The following LIMS2 variants were observed in gnomAD, a reference collection of about 807,000 sequenced individuals.
LIMS2 encodes LIM and senescent cell antigen-like-containing domain protein 2.
LIMS2 carries 30 observed loss-of-function variants against 45.3 expected under a neutral mutation model. The observed-to-expected ratio is 0.66, with a 90% CI of 0.50 to 0.90. The LOEUF (loss-of-function observed/expected upper bound fraction) is 0.90. Ranked by LOEUF, LIMS2 falls within the 40% of genes least tolerant of loss-of-function variation. The probability of loss-of-function intolerance (pLI) is 0.00; values close to 1 mark genes in which losing one functional copy is unlikely to be tolerated. For synonymous variants in LIMS2, 173 were observed against 188.0 expected (o/e 0.92, Z 0.65); for missense variants, 485 against 468.7 (o/e 1.03, Z -0.32).
intron 4 of LIMS2, among the ~76,000 whole-genome samples, chr2:127,649,384 C>T (rs957887068): frequency 1.3e-5 from 2 of 152,242 alleles, no homozygotes; most frequent in African/African-American, 2.4e-5. Flanking sequence ...GCAAACCTCT[C>T]TCCAGCCTCT....
intron 6 of LIMS2, 46 bp from the exon 7 acceptor site, chr2:127,641,034 T>C: frequency 6.5e-7 from 1 of 1,533,136 alleles, no homozygotes; most frequent in Non-Finnish European, 9.0e-7. Context: ...GCTAGAGCGG[T>C]GACCCCGAGG....
intron 4 of LIMS2, among the ~76,000 whole-genome samples, chr2:127,645,477 G>T (rs1682865024): frequency 6.6e-6 from 1 of 152,222 alleles, no homozygotes; most frequent in Non-Finnish European, 1.5e-5. Flanking sequence ...CCAGGGAGGA[G>T]CCCCAGGCCA....
chr2:127,677,509 C>G (rs949983083), upstream of LIMS2, among the ~76,000 whole-genome samples: 1 of 151,972 alleles, frequency 6.6e-6, no homozygotes, highest in Admixed American at 6.6e-5. This position sits in a 1 kb window ranked among gnomAD's most constrained non-coding sequence, Gnocchi z 5.0. Flanking sequence ...AGCATTCCGG[C>G]AGAACAGCAA....
intron 1 of LIMS2, among the ~76,000 whole-genome samples, chr2:127,660,359 C>T (rs1014640777): frequency 1.3e-5 from 2 of 152,188 alleles, no homozygotes; most frequent in Non-Finnish European, 1.5e-5. Flanking sequence ...TTCTTTTGCT[C>T]TTTGTAGTAG....
Position 127,654,501 on chromosome 2 carries a change from G to C in LIMS2, c.282C>G (p.Asn94Lys). The C allele has an allele frequency of 6.2e-7, 1 of 1,614,168 alleles. No homozygotes were observed. Among genetic ancestry groups the C allele is most frequent in the Non-Finnish European group, 8.5e-7 (1 of 1,180,004 alleles). The change falls in exon 4 of 10, where the codon AAC becomes AAG. Residue 94 changes from asparagine to lysine, a missense_variant. Physicochemically the swap from Asn to Lys is moderately conservative, Grantham distance 94. Transcript: ENST00000355119. ...CGCAGCGGAAGCAGCCCGGGTGCCA[G>C]TTGTTGTTCATGGCCTTGATGACGC... ...IGRVIKAMNN[N>K]WHPGCFRCEL...
chr2:127,659,021 C>T (rs775864710), intron 1 of LIMS2, among the ~76,000 whole-genome samples: 1 of 152,054 alleles, frequency 6.6e-6, no homozygotes, highest in Non-Finnish European at 1.5e-5. Context: ...GTGTCAACCA[C>T]AGAGAAGAGG....
intron 6 of LIMS2, chr2:127,641,808 G>A (rs1682433665): frequency 2.1e-6 from 1 of 477,594 alleles, no homozygotes; most frequent in South Asian, 3.3e-5. Flanking sequence ...CCAGCAGGGG[G>A]AAGAGGAGAG....
At chr2:127,651,137 G>T in intron 4 of LIMS2, 1 of 1,613,306 alleles carries the variant, frequency 6.2e-7, no homozygotes, top group South Asian at 1.1e-5. Flanking sequence ...TGGCCATTGT[G>T]CACCCGGTCA....
At chr2:127,668,668 C>CAAAAAAAAAAAAAAA (rs70985469) in intron 1 of LIMS2, among the ~76,000 whole-genome samples, 16 of 17,268 alleles carry the variant, frequency 9.3e-4, no homozygotes, top group African/African-American at 1.8e-3. Flanking sequence ...GACTCCGTCT[C>CAAAAAAAAAAAAAAA]AAAAAAAAAA....
At chr2:127,651,366 T>C (rs778634342) in intron 4 of LIMS2, 7 of 1,612,542 alleles carry the variant, frequency 4.3e-6, no homozygotes, top group Admixed American at 3.3e-5. Context: ...CACGGTCACC[T>C]GCTACCTGCT....
At chr2:127,650,760 C>T (rs1346196975) in intron 4 of LIMS2, 23 of 1,613,638 alleles carry the variant, frequency 1.4e-5, no homozygotes, top group Non-Finnish European at 1.7e-5. Flanking sequence ...AGTGGCTCCC[C>T]CAGGTCTGAT....
At chr2:127,651,376 T>A in intron 4 of LIMS2, 1 of 1,612,734 alleles carries the variant, frequency 6.2e-7, no homozygotes, top group Non-Finnish European at 8.5e-7. Context: ...TGCTACCTGC[T>A]GATCATCCGC....
chr2:127,642,489 T>C lies in LIMS2; in HGVS notation c.510-290A>G. 1 of 351,016 alleles carries C rather than the reference T, an allele frequency of 2.8e-6. No individual in the cohort carries two copies. The highest frequency in any genetic ancestry group is 5.1e-6 in the Non-Finnish European group (1 of 195,442). The allele number at this position is 351,016 out of a possible 1,614,324, so 21.7% of individuals were successfully genotyped here. Reference sequence around the variant, plus strand: ...CCCTCCTCCTCCAAACCAGAGGGGGTGTCTGGATAGGCACGGAGAGGACTG... The same window carrying C: ...CCCTCCTCCTCCAAACCAGAGGGGGCGTCTGGATAGGCACGGAGAGGACTG... On this transcript the variant is annotated intron_variant, in intron 5 of 9. Coordinates refer to ENST00000355119, the MANE Select transcript of LIMS2 (RefSeq NM_001161403.3). This position sits in a 1 kb window ranked among gnomAD's most constrained non-coding sequence, Gnocchi z 5.3.
chr2:127,675,593 C>T (rs1001234651), upstream of LIMS2, among the ~76,000 whole-genome samples: 4 of 152,076 alleles, frequency 2.6e-5, no homozygotes, highest in Non-Finnish European at 2.9e-5. Context: ...CGAACAAGCA[C>T]CCCCACCCCC....
chr2:127,650,218 G>A (rs1276311645), intron 4 of LIMS2: 2 of 727,640 alleles, frequency 2.7e-6, no homozygotes, highest in Non-Finnish European at 4.6e-6. Flanking sequence ...CTGTGGGCAG[G>A]TGGGTCAGGG....
In LIMS2 at chr2:127,640,567, G is replaced by C; in HGVS notation, c.754-249C>G. 3 of 603,198 alleles carry C rather than the reference G, an allele frequency of 5.0e-6. No homozygotes were observed. The South Asian group carries it at 5.9e-5, about 12-fold the overall frequency. 37.4% of individuals were successfully genotyped at this position (603,198 alleles called of 1,614,324 possible). On this transcript the variant is annotated intron_variant, in intron 7 of 9. Coordinates refer to ENST00000355119, the MANE Select transcript of LIMS2 (RefSeq NM_001161403.3). ...TGCTCTGGCCACTGCTGTCCTGCAA[G>C]GAGGTGGGCCCAGGTGGTGACTGCA...
chr2:127,651,167 G>A (rs746515695), intron 4 of LIMS2: 3 of 1,612,490 alleles, frequency 1.9e-6, no homozygotes, highest in Non-Finnish European at 2.5e-6. Context: ...AGCTCCGCAG[G>A]CCCCTCTACG....
At chr2:127,654,265 G>T in intron 4 of LIMS2, among the ~76,000 whole-genome samples, 159 bp downstream of exon 4, 1 of 152,156 alleles carries the variant, frequency 6.6e-6, no homozygotes. Context: ...TGGACTATCC[G>T]CCCCGGGGTG....
At position 127,670,468 on chromosome 2, in the gene LIMS2, C is replaced by G. The variant is rs13410270; in HGVS notation, c.11+4546G>C. Among the ~76,000 whole-genome samples, 751 of 152,180 alleles carry G rather than the reference C, an allele frequency of 4.9e-3. 3 individuals are homozygous for G. The highest frequency in any genetic ancestry group is 0.017 in the African/African-American group (720 of 41,506). ...GAAGGCAGGTTACTGGTGGCCAGGG[C>G]TGGGAGGAGGGGGAAATGAGGACTG... On this transcript the variant is annotated intron_variant, in intron 1 of 9. Transcript: ENST00000355119.
Sources: allele counts gnomAD v4.1 joint callset (sites outside exome capture counted in the v4.1 genomes callset), GRCh38; gene constraint gnomAD v4.1.1; non-coding constraint Gnocchi (gnomAD v3.1); transcripts MANE v1.5; gene names NCBI Gene and HGNC (gene_info 2026-07-23, HGNC 2026-07-21).